Variants in C14orf39 observed in about 807,000 individuals in gnomAD.
The protein encoded by C14orf39 is protein SIX6OS1.
C14orf39 carries 66 observed loss-of-function variants against 85.6 expected under a neutral mutation model. That is an observed-to-expected ratio of 0.77 (90% CI 0.63 to 0.95). The LOEUF (loss-of-function observed/expected upper bound fraction) is 0.95. Among genes scored for constraint, C14orf39 ranks in the 40% least tolerant of loss-of-function variants. C14orf39 has a pLI of 0.00. For missense variants in C14orf39, 735 were observed against 663.9 expected (o/e 1.11, Z -1.18); for synonymous variants, 242 against 214.0 (o/e 1.13, Z -1.14).
At chr14:60,482,279 C>G (rs1892677514) in intron 4 of C14orf39, among the ~76,000 whole-genome samples, 1 of 152,124 alleles carries the variant, frequency 6.6e-6, no homozygotes, top group Admixed American at 6.5e-5. Context: ...CTGGTAAAAT[C>G]TACTACAATA....
At chr14:60,448,093 G>A (rs972181814) in intron 16 of C14orf39, among the ~76,000 whole-genome samples, 1 of 152,104 alleles carries the variant, frequency 6.6e-6, no homozygotes, top group African/African-American at 2.4e-5. Flanking sequence ...AAAAACCCTA[G>A]AAGAAAACCT....
In C14orf39 at chr14:60,458,853, C is replaced by T. The variant is rs577462895; in HGVS notation, c.1118-114G>A. On this transcript the variant is annotated intron_variant, in intron 13 of 17. Coordinates refer to ENST00000321731, the MANE Select transcript of C14orf39 (RefSeq NM_174978.3). ...TAGCTGTTTTAACCTACAAAAATGG[C>T]AACTTCATATGGTTCAACATAATAC... is the stretch of plus-strand genomic sequence containing the variant. 9.5e-4 allele frequency: 696 copies of T among 736,244 alleles called. 1 individual carries two copies. Among genetic ancestry groups the T allele is most frequent in the Non-Finnish European group, 1.4e-3 (628 of 451,082 alleles). The allele number at this position is 736,244 out of a possible 1,614,324, so 45.6% of individuals were successfully genotyped here.
chr14:60,454,059 A>G (rs555722362), intron 16 of C14orf39, among the ~76,000 whole-genome samples: 52 of 151,978 alleles, frequency 3.4e-4, no homozygotes, highest in African/African-American at 1.3e-3. Flanking sequence ...TTTCATGCCT[A>G]GCATACTCCT....
Position 60,507,375 on chromosome 14 carries a change from A to G in C14orf39, c.-143-7945T>C, listed in dbSNP as rs918731446. On this transcript the variant is annotated intron_variant, in intron 1 of 5. Coordinates refer to the C14orf39 transcript ENST00000556799. ...CCCTTGTATCCGATGTTTCTTTCTA[A>G]AAGTTGTCCTTCCGGCTGATTCGGA... Among the ~76,000 whole-genome samples the G allele has an allele frequency of 3.6e-4, 55 of 152,200 alleles. 1 individual carries two copies. Among genetic ancestry groups the G allele is most frequent in the Non-Finnish European group, 1.9e-4 (13 of 68,020 alleles).
chr14:60,446,305 A>T (rs1225727922), intron 16 of C14orf39, among the ~76,000 whole-genome samples: 2 of 152,208 alleles, frequency 1.3e-5, no homozygotes, highest in African/African-American at 2.4e-5. Flanking sequence ...ACTGCTAGCA[A>T]GACTAGTAAA....
chr14:60,446,065 G>GT (rs1040354580), intron 16 of C14orf39, among the ~76,000 whole-genome samples: 1 of 152,180 alleles, frequency 6.6e-6, no homozygotes, highest in African/African-American at 2.4e-5. Context: ...TTAAAGCAGT[G>GT]TGTAGAGGGA....
chr14:60,489,998 A>T (rs917515794), upstream of C14orf39, among the ~76,000 whole-genome samples: 1 of 152,118 alleles, frequency 6.6e-6, no homozygotes, highest in Non-Finnish European at 1.5e-5. Context: ...AACTGACCTG[A>T]CCTCTGCATT....
At chr14:60,461,625 C>T (rs768805869) in intron 11 of C14orf39, 32 bp from the exon 12 acceptor site, 1 of 1,404,214 alleles carries the variant, frequency 7.1e-7, no homozygotes, top group South Asian at 1.5e-5. Flanking sequence ...TCTGACTTGG[C>T]TACACAAAGC....
chr14:60,511,136 G>C, intron 1 of C14orf39: 1 of 1,612,886 alleles, frequency 6.2e-7, no homozygotes, highest in Non-Finnish European at 8.5e-7. Context: ...ACGGGCGGAG[G>C]GCGACGGCAC....
chr14:60,458,379 T>C (rs749375788), intron 14 of C14orf39, among the ~76,000 whole-genome samples: 9 of 151,990 alleles, frequency 5.9e-5, no homozygotes, highest in Non-Finnish European at 1.2e-4. Flanking sequence ...GATATTTGTC[T>C]TTCTGTACTT....
At chr14:60,453,859 T>C (rs550239451) in intron 16 of C14orf39, among the ~76,000 whole-genome samples, 1 of 152,056 alleles carries the variant, frequency 6.6e-6, no homozygotes, top group African/African-American at 2.4e-5. Flanking sequence ...TAAATTATAT[T>C]GGGAAGAAAT....
chr14:60,492,686 C>T (rs774902419), intron 2 of C14orf39, among the ~76,000 whole-genome samples: 4 of 151,762 alleles, frequency 2.6e-5, no homozygotes, highest in Admixed American at 6.6e-5. Context: ...AAGAGGCTGA[C>T]GCAGGAGGAT....
chr14:60,480,477 A>G (rs2140152451), intron 4 of C14orf39, among the ~76,000 whole-genome samples: 1 of 152,260 alleles, frequency 6.6e-6, no homozygotes, highest in South Asian at 2.1e-4. Context: ...GGATGTGGAG[A>G]AAAGGAAACT....
intron 1 of C14orf39, among the ~76,000 whole-genome samples, chr14:60,502,746 C>T (rs1893163700): frequency 6.6e-6 from 1 of 152,180 alleles, no homozygotes; most frequent in Non-Finnish European, 1.5e-5. Flanking sequence ...GCAGCTGGTC[C>T]CCACTGGGGC....
chr14:60,495,762 T>C (rs945209689), intron 2 of C14orf39: 1 of 244,922 alleles, frequency 4.1e-6, no homozygotes, highest in Non-Finnish European at 8.2e-6. Context: ...AAAAGCTTGC[T>C]ACGATACTTA....
intron 8 of C14orf39, among the ~76,000 whole-genome samples, 199 bp downstream of exon 8, chr14:60,469,334 A>G (rs573951283): frequency 6.8e-6 from 1 of 147,806 alleles, no homozygotes; most frequent in Admixed American, 6.8e-5. Context: ...TATAAAATAT[A>G]TTAATAAAAT....
chr14:60,446,409 T>C (rs1286669773), intron 16 of C14orf39, among the ~76,000 whole-genome samples: 1 of 152,156 alleles, frequency 6.6e-6, no homozygotes, highest in Non-Finnish European at 1.5e-5. Context: ...CATCAGAGAA[T>C]ACTAAAAACA....
At chr14:60,474,319 C>G (rs920610999) in intron 5 of C14orf39, among the ~76,000 whole-genome samples, 2 of 151,872 alleles carry the variant, frequency 1.3e-5, no homozygotes, top group African/African-American at 4.8e-5. Context: ...ATGGTGTTTT[C>G]TAGATATACA....
chr14:60,509,174 T>C (rs1893249599), intron 1 of C14orf39: 1 of 577,578 alleles, frequency 1.7e-6, no homozygotes. Flanking sequence ...CCTGCCGGCG[T>C]GCCTGAGCCG....
Sources: allele counts gnomAD v4.1 joint callset (sites outside exome capture counted in the v4.1 genomes callset), GRCh38; gene constraint gnomAD v4.1.1; transcripts MANE v1.5; gene names NCBI Gene and HGNC (gene_info 2026-07-23, HGNC 2026-07-21).